Variants in IQCM observed in about 807,000 individuals in gnomAD.
The protein encoded by IQCM is IQ motif containing M.
A neutral mutation model predicts 57.6 loss-of-function variants in IQCM; 45 were observed. That is an observed-to-expected ratio of 0.78 (90% CI 0.62 to 1.00). The LOEUF is 1.00. Among genes scored for constraint, IQCM ranks in the 50% least tolerant of loss-of-function variants. The pLI is 0.00. For missense variants in IQCM, 468 were observed against 511.6 expected, an observed-to-expected ratio of 0.91 and a Z score of 0.82; for synonymous variants, 148 against 158.9, an observed-to-expected ratio of 0.93 and a Z score of 0.51.
chr4:149,391,385 TTGTC>T (rs989576088), intron 13 of IQCM, among the ~76,000 whole-genome samples: 2 of 151,948 alleles, frequency 1.3e-5, no homozygotes, highest in African/African-American at 4.8e-5. Flanking sequence ...CTTTTTTTCT[TTGTC>T]TGTCTAACTA....
rs539055488 is a variant in IQCM at position 149,706,384 on chromosome 4, T to TG, written c.386-19917dup. Among the ~76,000 whole-genome samples, 231 of 152,032 alleles carry TG rather than the reference T, an allele frequency of 1.5e-3. 1 individual carries two copies. The highest frequency in any genetic ancestry group is 5.3e-3 in the African/African-American group (222 of 41,514). ...TCAAAGCCAGAGGCAGACATGGATT[T>TG]GGGGGGCATGTGGTATTTAGGAAAT... On this transcript the variant is annotated intron_variant, in intron 5 of 13. Transcript: ENST00000636793.
chr4:149,356,928 T>C (rs911822523), intron 13 of IQCM, among the ~76,000 whole-genome samples: 13 of 152,176 alleles, frequency 8.5e-5, no homozygotes, highest in African/African-American at 1.2e-4. Flanking sequence ...CATTGAGCCA[T>C]GGTTTATAGT....
intron 7 of IQCM, among the ~76,000 whole-genome samples, chr4:149,635,022 T>C (rs888168618): frequency 6.6e-6 from 1 of 152,202 alleles, no homozygotes; most frequent in African/African-American, 2.4e-5. Context: ...TATTTAGATT[T>C]TCCATAATAA....
At chr4:149,649,444 C>T (rs1758956071) in intron 7 of IQCM, among the ~76,000 whole-genome samples, 1 of 152,090 alleles carries the variant, frequency 6.6e-6, no homozygotes, top group Admixed American at 6.6e-5. Context: ...ATTTCACTTC[C>T]TATTCTGGAT....
chr4:149,736,519 T>C (rs1766960178), intron 3 of IQCM, among the ~76,000 whole-genome samples: 1 of 152,188 alleles, frequency 6.6e-6, no homozygotes, highest in Non-Finnish European at 1.5e-5. Flanking sequence ...CAGTGGGCTC[T>C]CTGTTTTTAT....
chr4:149,422,577 G>T (rs2111223772), intron 13 of IQCM, among the ~76,000 whole-genome samples: 1 of 152,138 alleles, frequency 6.6e-6, no homozygotes, highest in East Asian at 1.9e-4. Context: ...TTCATAAAAA[G>T]CCAGGAAGTT....
At chr4:149,619,925 G>A (rs1192076274) in intron 8 of IQCM, among the ~76,000 whole-genome samples, 2 of 152,136 alleles carry the variant, frequency 1.3e-5, no homozygotes, top group Non-Finnish European at 2.9e-5. Context: ...GGGAGAGTAA[G>A]GTGGGCAGAT....
rs1199989950 is a variant in IQCM, at chr4:149,506,563, T to A, written c.1228+41892A>T. 2.0e-5 allele frequency among the ~76,000 whole-genome samples: 3 copies of A among 152,142 alleles called. 1 individual carries two copies. Among genetic ancestry groups the A allele is most frequent in the Admixed American group, 1.3e-4 (2 of 15,262 alleles). Reference sequence around the variant, plus strand: ...GCAGAAGGAGAGGGCCCAGGATATATACCCTTTGGAAAGAAGTTAAGAGAA... The same window carrying A: ...GCAGAAGGAGAGGGCCCAGGATATAAACCCTTTGGAAAGAAGTTAAGAGAA... On this transcript the variant is annotated intron_variant, in intron 12 of 13. Coordinates refer to ENST00000636793, the MANE Select transcript of IQCM (RefSeq NM_001363507.2).
rs538798579 is a variant in IQCM at position 149,500,246 on chromosome 4, A to G, written c.1228+48209T>C. On this transcript the variant is annotated intron_variant, in intron 12 of 13. Transcript: ENST00000636793. ...AGAGATCTCTGCAGAGGAACAATTT[A>G]CATTCTGCCCTTCTAAAAGTTGGCA... 4.6e-5 allele frequency among the ~76,000 whole-genome samples: 7 copies of G among 152,310 alleles called. No individual in the cohort carries two copies. In the South Asian group the frequency reaches 1.0e-3, roughly 23 times the overall value.
chr4:149,453,799 A>T (rs2111424238), intron 12 of IQCM, among the ~76,000 whole-genome samples: 2 of 152,014 alleles, frequency 1.3e-5, no homozygotes, highest in East Asian at 3.9e-4. Context: ...AACTTTGCAT[A>T]AGAGTTTGTC....
intron 7 of IQCM, among the ~76,000 whole-genome samples, chr4:149,659,574 C>A (rs1278993063): frequency 2.0e-5 from 3 of 152,126 alleles, no homozygotes; most frequent in African/African-American, 7.2e-5. Flanking sequence ...TACCTGACTT[C>A]AAACTATACT....
intron 5 of IQCM, among the ~76,000 whole-genome samples, chr4:149,732,888 C>T (rs1042464092): frequency 1.3e-5 from 2 of 152,134 alleles, no homozygotes; most frequent in African/African-American, 4.8e-5. Flanking sequence ...GAGTAAGTTG[C>T]CTATCCTATT....
At chr4:149,492,031 C>T in intron 12 of IQCM, among the ~76,000 whole-genome samples, 1 of 151,876 alleles carries the variant, frequency 6.6e-6, no homozygotes, top group East Asian at 1.9e-4. Flanking sequence ...TTTTTATACA[C>T]CTATTGGTCA....
intron 8 of IQCM, among the ~76,000 whole-genome samples, chr4:149,619,169 A>G (rs1756090870): frequency 6.7e-6 from 1 of 150,230 alleles, no homozygotes; most frequent in Non-Finnish European, 1.5e-5. Context: ...AAAAGAATGA[A>G]ATCATGTATT....
intron 7 of IQCM, among the ~76,000 whole-genome samples, chr4:149,628,169 T>C (rs1268692772): frequency 1.3e-5 from 2 of 152,172 alleles, no homozygotes; most frequent in African/African-American, 4.8e-5. Flanking sequence ...CAGTCTATAA[T>C]TCTAAAAATT....
At chr4:149,620,520 A>G (rs1381268822) in intron 8 of IQCM, among the ~76,000 whole-genome samples, 2 of 152,248 alleles carry the variant, frequency 1.3e-5, no homozygotes, top group Non-Finnish European at 2.9e-5. Context: ...ACAATGTTGT[A>G]AAATAGCATT....
intron 8 of IQCM, among the ~76,000 whole-genome samples, chr4:149,596,551 A>G (rs1753800603): frequency 6.6e-6 from 1 of 152,118 alleles, no homozygotes; most frequent in African/African-American, 2.4e-5. Context: ...ATAAAACCCA[A>G]GTCTTGGAAG....
chr4:149,475,295 T>G (rs1283758609), intron 12 of IQCM, among the ~76,000 whole-genome samples: 1 of 152,106 alleles, frequency 6.6e-6, no homozygotes, highest in Non-Finnish European at 1.5e-5. Flanking sequence ...GTCAAAGATG[T>G]CCCCAGATTC....
At chr4:149,508,397 A>T (rs1020611026) in intron 12 of IQCM, among the ~76,000 whole-genome samples, 1 of 152,188 alleles carries the variant, frequency 6.6e-6, no homozygotes, top group African/African-American at 2.4e-5. Flanking sequence ...CAGCAAAGCC[A>T]CAGAGGCAGA....
Sources: gnomAD v4.1 joint callset for allele counts (sites outside exome capture counted in the v4.1 genomes callset) on GRCh38, gnomAD v4.1.1 for gene constraint, MANE v1.5 for transcripts, NCBI Gene and HGNC (gene_info 2026-07-23, HGNC 2026-07-21) for gene names.